Variants in TTC29 observed in about 807,000 individuals in gnomAD.
TTC29 encodes tetratricopeptide repeat protein 29.
A neutral mutation model predicts 58.1 loss-of-function variants in TTC29; 49 were observed. The observed-to-expected ratio is 0.84, with a 90% confidence interval of 0.67 to 1.07. The LOEUF is 1.07. TTC29 is among the 50% of genes least tolerant of loss of function. TTC29 has a pLI of 0.00. For missense variants in TTC29, 582 were observed against 555.6 expected (o/e 1.05, Z -0.48); for synonymous variants, 209 against 196.8 (o/e 1.06, Z -0.52).
intron 10 of TTC29, chr4:146,812,817 T>G (rs1199565102): frequency 1.3e-5 from 2 of 152,224 alleles, no homozygotes; most frequent in Non-Finnish European, 2.9e-5. Context: ...TTCTTAGAGT[T>G]TACTGTCTAA....
chr4:146,788,594 T>C (rs1446983423), intron 11 of TTC29, among the ~76,000 whole-genome samples: 1 of 151,816 alleles, frequency 6.6e-6, no homozygotes, highest in African/African-American at 2.4e-5. Context: ...TCGAAAATGC[T>C]TTTTAGAAAG....
At chr4:146,776,200 T>C (rs1447138782) in intron 11 of TTC29, among the ~76,000 whole-genome samples, 2 of 152,210 alleles carry the variant, frequency 1.3e-5, no homozygotes, top group South Asian at 2.1e-4. Flanking sequence ...TGTTTCATTG[T>C]AGTCCTTAGA....
intron 11 of TTC29, 34 bp downstream of exon 11, chr4:146,803,423 G>GAAAACTAAAGTGTTCTA: frequency 7.2e-7 from 1 of 1,389,092 alleles, no homozygotes; most frequent in Non-Finnish European, 9.8e-7. Flanking sequence ...AGAATGATAT[G>GAAAACTAAAGTGTTCTA]AAAACTAAAG....
chr4:146,940,614 G>T (rs377632967), intron 2 of TTC29, among the ~76,000 whole-genome samples: 2 of 152,148 alleles, frequency 1.3e-5, no homozygotes, highest in African/African-American at 4.8e-5. Context: ...CAATGACAGG[G>T]GACAGGAATC....
intron 11 of TTC29, among the ~76,000 whole-genome samples, chr4:146,738,239 T>C (rs1351584689): frequency 6.6e-6 from 1 of 152,134 alleles, no homozygotes; most frequent in Non-Finnish European, 1.5e-5. Context: ...AAATAATAGC[T>C]GATGGTGAAG....
intron 8 of TTC29, among the ~76,000 whole-genome samples, chr4:146,858,737 G>T (rs1262227017): frequency 2.0e-5 from 3 of 152,174 alleles, no homozygotes. Flanking sequence ...GCTGTCCTGA[G>T]TTAGAGTAGG....
chr4:146,859,439 G>A (rs887004700), intron 8 of TTC29, among the ~76,000 whole-genome samples: 2 of 151,860 alleles, frequency 1.3e-5, no homozygotes, highest in Non-Finnish European at 2.9e-5. Flanking sequence ...TACATATAGT[G>A]TAAGAAAATC....
chr4:146,879,462 A>T (rs1035782824), intron 6 of TTC29, among the ~76,000 whole-genome samples: 2 of 152,164 alleles, frequency 1.3e-5, no homozygotes, highest in African/African-American at 4.8e-5. Context: ...TTAACTGAAA[A>T]TTTTAAATTC....
chr4:146,711,748 A>G, intron 11 of TTC29, among the ~76,000 whole-genome samples: 1 of 152,092 alleles, frequency 6.6e-6, no homozygotes, highest in East Asian at 1.9e-4. Context: ...CTTCTCTCTC[A>G]CTGATAGTAA....
intron 4 of TTC29, 34 bp from the exon 5 acceptor site, chr4:146,909,283 T>A (rs1351056920): frequency 6.7e-7 from 1 of 1,495,296 alleles, no homozygotes; most frequent in East Asian, 2.3e-5. Flanking sequence ...CTCAGGTTTA[T>A]GTTAATCCTT....
intron 8 of TTC29, among the ~76,000 whole-genome samples, chr4:146,834,903 A>G (rs1728407885): frequency 1.3e-5 from 2 of 152,242 alleles, no homozygotes; most frequent in Non-Finnish European, 2.9e-5. Flanking sequence ...TGAGTTTCAT[A>G]TGGTTTGCAA....
chr4:146,744,107 C>T (rs1745360823), intron 11 of TTC29, among the ~76,000 whole-genome samples: 4 of 152,174 alleles, frequency 2.6e-5, no homozygotes, highest in Admixed American at 2.6e-4. Flanking sequence ...TGAAATACTC[C>T]TATATCTGTA....
intron 9 of TTC29, among the ~76,000 whole-genome samples, chr4:146,829,192 C>T (rs957444198): frequency 6.6e-6 from 1 of 152,172 alleles, no homozygotes; most frequent in African/African-American, 2.4e-5. Context: ...GAGAATGAAA[C>T]AGTGCAGAAT....
At position 146,903,612 on chromosome 4, in the gene TTC29, A is replaced by G. The variant is rs1733308618; in HGVS notation, c.518T>C (p.Ile173Thr). ...TTCTTTCTTCCCACAGTCAATTTTGATCAGCTGAGCAATCTTAAAACATCG... is the reference window on the plus strand; with the variant it reads ...TTCTTTCTTCCCACAGTCAATTTTGGTCAGCTGAGCAATCTTAAAACATCG... ...YERCFKIAQL[I>T]KIDCGKKEAE... The change falls in exon 6 of 13, where the codon ATC becomes ACC. Residue 173 changes from isoleucine (I) to threonine (T), a missense_variant. By Grantham distance (89) the Ile-to-Thr change is moderately conservative. Coordinates refer to ENST00000325106, the MANE Select transcript of TTC29 (RefSeq NM_031956.4). 1 of 1,612,812 alleles carries G rather than the reference A, an allele frequency of 6.2e-7. No homozygotes were observed. Among genetic ancestry groups the G allele is most frequent in the Admixed American group, 1.7e-5 (1 of 59,882 alleles).
intron 4 of TTC29, 100 bp from the exon 5 acceptor site, chr4:146,909,349 T>C: frequency 2.2e-6 from 2 of 915,734 alleles, no homozygotes. Context: ...CATGTTGCCT[T>C]TTATCCCTCA....
In TTC29 at chr4:146,872,261, A is replaced by G. The variant is rs888270065; in HGVS notation, c.799+2455T>C. 3.9e-5 allele frequency among the ~76,000 whole-genome samples: 6 copies of G among 152,030 alleles called. No homozygotes were observed. In the South Asian group the frequency reaches 1.2e-3, roughly 31 times the overall value. On this transcript the variant is annotated intron_variant, in intron 7 of 12. Coordinates refer to ENST00000325106, the MANE Select transcript of TTC29 (RefSeq NM_031956.4). ...ACACACACACACATGAAAATAGATG[A>G]TAAGATTAAATATAGTTAAAACTAA...
intron 4 of TTC29, among the ~76,000 whole-genome samples, chr4:146,922,522 C>T (rs763078087): frequency 6.6e-6 from 1 of 151,766 alleles, no homozygotes; most frequent in Non-Finnish European, 1.5e-5. Context: ...TTACTATATG[C>T]TTAATGATGT....
At chr4:146,790,567 C>T (rs944863983) in intron 11 of TTC29, among the ~76,000 whole-genome samples, 5 of 151,950 alleles carry the variant, frequency 3.3e-5, no homozygotes, top group Non-Finnish European at 7.4e-5. Flanking sequence ...AGAGATTGCC[C>T]ACCAGCATCT....
chr4:146,903,758 G>C (rs1218338837), intron 5 of TTC29, 29 bp from the exon 6 acceptor site: 2 of 1,481,128 alleles, frequency 1.4e-6, no homozygotes, highest in Non-Finnish European at 1.8e-6. Flanking sequence ...ACCATGAATG[G>C]CATTAGAAAG....
Sources: allele counts gnomAD v4.1 joint callset (sites outside exome capture counted in the v4.1 genomes callset), GRCh38; gene constraint gnomAD v4.1.1; transcripts MANE v1.5; gene names NCBI Gene and HGNC (gene_info 2026-07-23, HGNC 2026-07-21).